CCDC69: variants seen among roughly 807,000 people sequenced by gnomAD.
The protein encoded by CCDC69 is coiled-coil domain-containing protein 69.
In CCDC69, 38 loss-of-function variants were observed where a neutral mutation model predicts 40.3. The ratio of observed to expected loss-of-function variants is 0.94; its 90% CI spans 0.73 to 1.24. The LOEUF is 1.24. CCDC69 is among the 50% of genes most tolerant of loss of function. The pLI is 0.00. For synonymous variants in CCDC69, 141 were observed against 138.9 expected (o/e 1.02, Z -0.11); for missense variants, 389 against 357.9 (o/e 1.09, Z -0.70).
chr5:151,203,384 C>T (rs533487115), intron 2 of CCDC69, among the ~76,000 whole-genome samples: 28 of 151,568 alleles, frequency 1.8e-4, no homozygotes, highest in Admixed American at 1.8e-3. Context: ...GTGGCAGGCG[C>T]CTGTAATCCC....
chr5:151,203,835 A>AGT (rs1752813345), intron 2 of CCDC69, among the ~76,000 whole-genome samples: 2 of 112,970 alleles, frequency 1.8e-5, no homozygotes, highest in African/African-American at 9.9e-5. Context: ...GTATATATAT[A>AGT]AAATATATAT....
At chr5:151,205,031 C>T (rs1036053201) in intron 2 of CCDC69, among the ~76,000 whole-genome samples, 3 of 150,814 alleles carry the variant, frequency 2.0e-5, no homozygotes, top group Admixed American at 1.3e-4. Context: ...CCCTCCCTCC[C>T]TATGGTGACA....
rs191720914 is a variant in CCDC69, at chr5:151,192,913, A to T, written c.320-5454T>A. Among the ~76,000 whole-genome samples, 524 of 114,248 alleles carry T rather than the reference A, an allele frequency of 4.6e-3. 1 individual carries two copies. Among genetic ancestry groups the T allele is most frequent in the Middle Eastern group, 0.037 (7 of 188 alleles). 75.0% of individuals were successfully genotyped at this position (114,248 alleles called of 152,430 possible). A position where few individuals can be genotyped will look rare whatever the true frequency, so the allele number is the denominator to read the frequency against. Reference sequence around the variant, plus strand: ...ATTCAACCAAGTGTGGATAAAAAAAATTTGAAAAAATAAAAATAAAAAATA... The same window carrying T: ...ATTCAACCAAGTGTGGATAAAAAAATTTTGAAAAAATAAAAATAAAAAATA... On this transcript the variant is annotated intron_variant, in intron 4 of 8. Coordinates refer to ENST00000355417, the MANE Select transcript of CCDC69 (RefSeq NM_015621.3).
chr5:151,208,194 T>G (rs964478395), intron 1 of CCDC69, among the ~76,000 whole-genome samples: 6 of 152,204 alleles, frequency 3.9e-5, no homozygotes, highest in Admixed American at 2.0e-4. Flanking sequence ...GAAGTTGCAG[T>G]GAGCCAAGAT....
intron 1 of CCDC69, chr5:151,210,592 G>A (rs1752932707): frequency 6.6e-6 from 1 of 152,074 alleles, no homozygotes; most frequent in Admixed American, 6.6e-5. Context: ...ATATTGATTT[G>A]TAAAATTTTA....
Position 151,183,506 on chromosome 5 carries a change from C to A in CCDC69, c.822G>T (p.Gly274=), listed in dbSNP as rs748868523. The A allele has an allele frequency of 6.2e-7, 1 of 1,608,280 alleles. No homozygotes were observed. Among genetic ancestry groups the A allele is most frequent in the Non-Finnish European group, 8.5e-7 (1 of 1,178,074 alleles). Residue 274 remains glycine, a synonymous_variant, in exon 9 of 9, where the codon GGG becomes GGT. Transcript: ENST00000355417. ...EKEELLYRVL[G]ANASPAFPLA... Reference sequence around the variant, plus strand: ...GAGGGAAGGCAGGCGAGGCATTGGCCCCAAGGACCCGGTACAACAGCTCCT... The same window carrying A: ...GAGGGAAGGCAGGCGAGGCATTGGCACCAAGGACCCGGTACAACAGCTCCT...
intron 4 of CCDC69, among the ~76,000 whole-genome samples, chr5:151,190,774 A>G (rs548058703): frequency 2.3e-4 from 35 of 152,040 alleles, no homozygotes; most frequent in Admixed American, 2.3e-3. Context: ...GACAATAAAT[A>G]AGTTAAAATG....
intron 1 of CCDC69, among the ~76,000 whole-genome samples, chr5:151,210,092 A>G (rs1752908966): frequency 6.6e-6 from 1 of 152,180 alleles, no homozygotes; most frequent in South Asian, 2.1e-4. Flanking sequence ...TACTTTTTCA[A>G]ATATATTACG....
chr5:151,182,936 C>T lies in CCDC69; in HGVS notation c.*501G>A. On this transcript the variant is annotated 3_prime_UTR_variant, in exon 9 of 9. Coordinates refer to ENST00000355417, the MANE Select transcript of CCDC69 (RefSeq NM_015621.3). ...GCCTTCAGACAATCCTAGAATGGGA[C>T]ACTGCAGTGACATAAGAGTCCTTTG... 1 of 416,888 alleles carries T rather than the reference C, an allele frequency of 2.4e-6. No individual in the cohort carries two copies. The highest frequency in any genetic ancestry group is 4.9e-6 in the Non-Finnish European group (1 of 205,442). The allele number at this position is 416,888 out of a possible 1,614,324, so 25.8% of individuals were successfully genotyped here.
chr5:151,186,245 C>A, intron 5 of CCDC69, 121 bp from the exon 6 acceptor site: 1 of 718,592 alleles, frequency 1.4e-6, no homozygotes, highest in Non-Finnish European at 2.6e-6. Context: ...GGCTACTCTA[C>A]ATGACAATGC....
intron 1 of CCDC69, among the ~76,000 whole-genome samples, chr5:151,214,333 G>A (rs2114002578): frequency 6.6e-6 from 1 of 152,154 alleles, no homozygotes; most frequent in African/African-American, 2.4e-5. Context: ...CGGGGAGTGT[G>A]GCCCAAGGGG....
At chr5:151,217,158 C>T (rs1753056777) in intron 1 of CCDC69, among the ~76,000 whole-genome samples, 1 of 152,132 alleles carries the variant, frequency 6.6e-6, no homozygotes, top group African/African-American at 2.4e-5. Flanking sequence ...ATGCACCTAA[C>T]AAAATATCAT....
Position 151,184,375 on chromosome 5 carries a change from C to G in CCDC69, c.682G>C (p.Val228Leu). The change falls in exon 8 of 9, where the codon GTC (valine) becomes CTC (leucine). Residue 228 changes from valine (V) to leucine (L), a missense_variant. Val to Leu is a conservative substitution (Grantham distance 32). Coordinates refer to ENST00000355417, the MANE Select transcript of CCDC69 (RefSeq NM_015621.3). ...TLQQENEDLH[V>L]RSRNQVVLSR... is the part of the protein sequence containing the mutation. ...AGGACCACCTGGTTGCGGCTTCGGA[C>G]ATGGAGGTCCTCATTTTCCTGTTGC... is the stretch of plus-strand genomic sequence containing the variant. 1 of 1,614,140 alleles carries G rather than the reference C, an allele frequency of 6.2e-7. No homozygotes were observed. The highest frequency in any genetic ancestry group is 8.5e-7 in the Non-Finnish European group (1 of 1,180,010).
chr5:151,222,878 T>C (rs1446904583), intron 1 of CCDC69, among the ~76,000 whole-genome samples: 1 of 152,120 alleles, frequency 6.6e-6, no homozygotes, highest in Non-Finnish European at 1.5e-5. Context: ...AGGCTAGGAC[T>C]ACTGTTAGGC....
In CCDC69 at chr5:151,222,227, C is replaced by T. The variant is rs189503534; in HGVS notation, c.48+1696G>A. On this transcript the variant is annotated intron_variant, in intron 1 of 8. Coordinates refer to ENST00000355417, the MANE Select transcript of CCDC69 (RefSeq NM_015621.3). ...CTATCTGTATAGTGGGTGCGTCAGC[C>T]CAGGTAGTACCCAAAGGCCCTTTCC... 1.6e-4 allele frequency among the ~76,000 whole-genome samples: 25 copies of T among 152,346 alleles called. No individual in the cohort carries two copies. In the East Asian group the frequency reaches 4.4e-3, roughly 27 times the overall value.
At position 151,223,916 on chromosome 5, in the gene CCDC69, C is replaced by T; in HGVS notation, c.48+7G>A. Reference sequence around the variant, plus strand: ...TGAAAGCAAACTTCTCCGCCGGCGCCCTTTACCTTTTTCGGGGGTTTGCAG... The same window carrying T: ...TGAAAGCAAACTTCTCCGCCGGCGCTCTTTACCTTTTTCGGGGGTTTGCAG... On this transcript the variant is annotated splice_region_variant and intron_variant, in intron 1 of 8. Coordinates refer to ENST00000355417, the MANE Select transcript of CCDC69 (RefSeq NM_015621.3). 1 of 1,587,540 alleles carries T rather than the reference C, an allele frequency of 6.3e-7. No individual in the cohort carries two copies. The highest frequency in any genetic ancestry group is 8.6e-7 in the Non-Finnish European group (1 of 1,168,782).
intron 7 of CCDC69, 56 bp downstream of exon 7, chr5:151,185,366 A>C: frequency 1.9e-6 from 3 of 1,599,976 alleles, no homozygotes; most frequent in Non-Finnish European, 2.6e-6. Flanking sequence ...TACAAAGGAA[A>C]CACCCAGAAA....
At chr5:151,189,632 G>C (rs528377308) in intron 4 of CCDC69, among the ~76,000 whole-genome samples, 2 of 151,086 alleles carry the variant, frequency 1.3e-5, no homozygotes, top group South Asian at 4.2e-4. Flanking sequence ...TAAACCTACA[G>C]ATTAAAGAAG....
At chr5:151,206,984 T>C (rs1323405917) in intron 1 of CCDC69, among the ~76,000 whole-genome samples, 2 of 147,852 alleles carry the variant, frequency 1.4e-5, no homozygotes, top group Non-Finnish European at 3.0e-5. Context: ...GGAGTGCAAT[T>C]GCGTGATTCT....
Sources: gnomAD v4.1 joint callset for allele counts (sites outside exome capture counted in the v4.1 genomes callset) on GRCh38, gnomAD v4.1.1 for gene constraint, MANE v1.5 for transcripts, NCBI Gene and HGNC (gene_info 2026-07-23, HGNC 2026-07-21) for gene names.